UGGT2: variants seen among roughly 807,000 people sequenced by gnomAD.
The protein encoded by UGGT2 is UDP-glucose glycoprotein glucosyltransferase 2, also known as UDP-glucose:glycoprotein glucosyltransferase 2.
A neutral mutation model predicts 192.1 loss-of-function variants in UGGT2; 180 were observed. The observed-to-expected ratio is 0.94, with a 90% CI of 0.83 to 1.06. The LOEUF is 1.06. UGGT2 is among the 50% of genes least tolerant of loss of function. UGGT2 has a pLI of 0.00. For missense variants in UGGT2, 1,849 were observed against 1,795.7 expected (o/e 1.03, Z -0.54); for synonymous variants, 580 against 591.0 (o/e 0.98, Z 0.27).
chr13:95,895,397 A>G, intron 22 of UGGT2, 93 bp from the exon 23 acceptor site: 5 of 800,376 alleles, frequency 6.2e-6, no homozygotes, highest in East Asian at 3.3e-5. Flanking sequence ...TTCTTTATTA[A>G]GCAAAAATGA....
intron 38 of UGGT2, among the ~76,000 whole-genome samples, chr13:95,819,897 C>T (rs1362723558): frequency 6.6e-6 from 1 of 152,190 alleles, no homozygotes; most frequent in Non-Finnish European, 1.5e-5. Flanking sequence ...GTGGCCCATG[C>T]CTGTAATCCC....
At chr13:95,823,962 G>A (rs1885761086) in intron 38 of UGGT2, among the ~76,000 whole-genome samples, 1 of 152,050 alleles carries the variant, frequency 6.6e-6, no homozygotes, top group African/African-American at 2.4e-5. Context: ...GTGCTGGTTT[G>A]GTAGTAGCAA....
intron 15 of UGGT2, 82 bp downstream of exon 15, chr13:95,946,955 A>C (rs892589322): frequency 1.5e-6 from 2 of 1,341,570 alleles, no homozygotes; most frequent in African/African-American, 1.5e-5. Flanking sequence ...TAATGCAAAA[A>C]TTATACATTC....
intron 38 of UGGT2, among the ~76,000 whole-genome samples, chr13:95,831,168 T>C (rs748794617): frequency 2.6e-5 from 4 of 151,986 alleles, no homozygotes; most frequent in Non-Finnish European, 4.4e-5. Flanking sequence ...AGGTGACATA[T>C]CCAATGTAAA....
At chr13:95,962,471 A>G (rs1323767009) in intron 12 of UGGT2, among the ~76,000 whole-genome samples, 2 of 152,188 alleles carry the variant, frequency 1.3e-5, no homozygotes, top group Non-Finnish European at 2.9e-5. Context: ...TCCTGGACAT[A>G]TACAACACAC....
At chr13:95,824,270 GT>G (rs2139816860) in intron 38 of UGGT2, among the ~76,000 whole-genome samples, 2 of 152,206 alleles carry the variant, frequency 1.3e-5, no homozygotes, top group South Asian at 4.2e-4. Flanking sequence ...GTGTGCTTCG[GT>G]GATGATCTTT....
At chr13:95,854,885 C>G (rs1889428849) in intron 34 of UGGT2, among the ~76,000 whole-genome samples, 1 of 151,778 alleles carries the variant, frequency 6.6e-6, no homozygotes, top group Non-Finnish European at 1.5e-5. Flanking sequence ...AAGTTTGAAT[C>G]ATAAAGAAAA....
intron 20 of UGGT2, among the ~76,000 whole-genome samples, chr13:95,908,766 T>C (rs1417093788): frequency 2.2e-5 from 3 of 137,428 alleles, no homozygotes; most frequent in African/African-American, 8.2e-5. Flanking sequence ...TGTCTGTTCA[T>C]GTCCTTTGCC....
At chr13:95,892,811 A>G (rs1432996639) in intron 24 of UGGT2, among the ~76,000 whole-genome samples, 1 of 152,182 alleles carries the variant, frequency 6.6e-6, no homozygotes, top group Non-Finnish European at 1.5e-5. Context: ...TGGGAACTGT[A>G]TAAACTGGAA....
chr13:96,044,611 C>T (rs1211651128), intron 1 of UGGT2, among the ~76,000 whole-genome samples: 3 of 151,892 alleles, frequency 2.0e-5, no homozygotes, highest in Non-Finnish European at 4.4e-5. Flanking sequence ...CAAGATTAAA[C>T]AAGAAGAAAA....
In UGGT2 at chr13:95,947,066, T is replaced by C. The variant is rs2049896349; in HGVS notation, c.1648A>G (p.Ile550Val). 2 of 1,606,364 alleles carry C rather than the reference T, an allele frequency of 1.2e-6. No homozygotes were observed. Among genetic ancestry groups the C allele is most frequent in the Non-Finnish European group, 1.7e-6 (2 of 1,178,026 alleles). Reference protein sequence around the residue: ...AFNYIAEEFDISEAFISIVHM... With the variant: ...AFNYIAEEFDVSEAFISIVHM... The stretch of plus-strand genomic sequence containing the variant: ...ACTATAGAAATAAATGCTTCTGATA[T>C]ATCAAATTCTTCTGCAATATAGTTG... The change falls in exon 15 of 39, where the codon ATA becomes GTA. Residue 550 changes from isoleucine (I) to valine (V), a missense_variant. Coordinates refer to ENST00000376747, the MANE Select transcript of UGGT2 (RefSeq NM_020121.4).
At chr13:95,818,117 G>A (rs939996508) in intron 38 of UGGT2, among the ~76,000 whole-genome samples, 6 of 152,134 alleles carry the variant, frequency 3.9e-5, no homozygotes, top group African/African-American at 9.7e-5. Context: ...GAACAGCCCC[G>A]GGCAATGCAG....
chr13:95,812,804 C>T (rs1884645521), intron 38 of UGGT2, among the ~76,000 whole-genome samples: 1 of 152,144 alleles, frequency 6.6e-6, no homozygotes, highest in Non-Finnish European at 1.5e-5. Flanking sequence ...GATATGCCTG[C>T]TCCCACTTCA....
intron 38 of UGGT2, among the ~76,000 whole-genome samples, chr13:95,821,178 G>A (rs1388412947): frequency 1.3e-5 from 2 of 152,000 alleles, no homozygotes; most frequent in African/African-American, 4.8e-5. Context: ...GTTTTCCATA[G>A]AGGCTGCACT....
Position 95,989,207 on chromosome 13 carries a change from G to A in UGGT2, c.931+766C>T, listed in dbSNP as rs542192645. Among the ~76,000 whole-genome samples, 25 of 152,082 alleles carry A rather than the reference G, an allele frequency of 1.6e-4. No individual in the cohort carries two copies. In the South Asian group the frequency reaches 3.1e-3, roughly 19 times the overall value. On this transcript the variant is annotated intron_variant, in intron 8 of 38. Transcript: ENST00000376747. The stretch of plus-strand genomic sequence containing the variant: ...AGGGCAAATTGAATAGTATGTGAAC[G>A]TATTAGTATGAATAGTATTATTATA...
chr13:95,897,568 T>C (rs987027002), intron 22 of UGGT2, among the ~76,000 whole-genome samples: 3 of 152,162 alleles, frequency 2.0e-5, no homozygotes, highest in South Asian at 2.1e-4. Context: ...AGGCTCAGAA[T>C]GAAGATTTAT....
chr13:95,976,826 C>T (rs1224869687), intron 10 of UGGT2, among the ~76,000 whole-genome samples: 4 of 151,954 alleles, frequency 2.6e-5, no homozygotes, highest in Non-Finnish European at 4.4e-5. Flanking sequence ...TAACTAAAAC[C>T]GCATGGTACT....
intron 38 of UGGT2, among the ~76,000 whole-genome samples, chr13:95,814,789 T>C (rs983945455): frequency 5.3e-5 from 8 of 152,150 alleles, no homozygotes; most frequent in African/African-American, 1.9e-4. Context: ...AAGAAAATTA[T>C]AGAACAATAT....
At chr13:95,945,569 C>T (rs953167897) in intron 15 of UGGT2, among the ~76,000 whole-genome samples, 2 of 152,010 alleles carry the variant, frequency 1.3e-5, no homozygotes, top group Non-Finnish European at 2.9e-5. Flanking sequence ...AAAACACTTA[C>T]AAAACAGAGA....
Sources: allele counts gnomAD v4.1 joint callset (sites outside exome capture counted in the v4.1 genomes callset), GRCh38; gene constraint gnomAD v4.1.1; transcripts MANE v1.5; gene names NCBI Gene and HGNC (gene_info 2026-07-23, HGNC 2026-07-21).